NBAS: variants seen among roughly 807,000 people sequenced by gnomAD.
NBAS encodes NAG/BC035112 fusion.
In NBAS, 219 loss-of-function variants were observed where a neutral mutation model predicts 302.5. The ratio of observed to expected loss-of-function variants is 0.72; its 90% confidence interval spans 0.65 to 0.81. The LOEUF is 0.81. NBAS is among the 30% of genes least tolerant of loss of function. The pLI is 0.00. For missense variants in NBAS, 2,932 were observed against 2,841.6 expected (o/e 1.03, Z -0.72); for synonymous variants, 1,118 against 1,021.6 (o/e 1.09, Z -1.80).
the NBAS span, among the ~76,000 whole-genome samples, chr2:14,976,349 C>A: frequency 6.6e-6 from 1 of 152,158 alleles, no homozygotes; most frequent in Admixed American, 6.5e-5. Flanking sequence ...GAAAGAGCTC[C>A]ACAAATCTGC....
In NBAS at chr2:15,489,119, G is replaced by C. The variant is rs919328527; in HGVS notation, c.955-97C>G. On this transcript the variant is annotated intron_variant, in intron 11 of 51. Transcript: ENST00000281513. Reference sequence around the variant, plus strand: ...TCTTTAGAGGTGCCAAGTTATAAATGATCTTTAGTAATTAAGAGTTCTGCC... The same window carrying C: ...TCTTTAGAGGTGCCAAGTTATAAATCATCTTTAGTAATTAAGAGTTCTGCC... 1.0e-5 allele frequency: 14 copies of C among 1,355,468 alleles called. No homozygotes were observed. In the Admixed American group the frequency reaches 2.4e-4, roughly 24 times the overall value. The allele number at this position is 1,355,468 out of a possible 1,614,324, so 84.0% of individuals were successfully genotyped here. A position where few individuals can be genotyped will look rare whatever the true frequency, so the allele number is the denominator to read the frequency against.
intron 31 of NBAS, among the ~76,000 whole-genome samples, chr2:15,367,304 T>C (rs1674258924): frequency 6.6e-6 from 1 of 151,820 alleles, no homozygotes; most frequent in African/African-American, 2.4e-5. Flanking sequence ...AGACAAAGGG[T>C]ACTACGTATA....
chr2:14,983,771 T>C, the NBAS span, among the ~76,000 whole-genome samples: 519 of 152,320 alleles, frequency 3.4e-3, 1 homozygote, highest in Non-Finnish European at 5.4e-3. Context: ...AGGAAGACTT[T>C]GGTCTTGTGA....
At chr2:14,836,397 T>G in the NBAS span, among the ~76,000 whole-genome samples, 1 of 148,240 alleles carries the variant, frequency 6.7e-6, no homozygotes, top group Middle Eastern at 3.4e-3. Flanking sequence ...AAATTTGCCT[T>G]GATAAATTTG....
chr2:14,916,217 A>G, the NBAS span, among the ~76,000 whole-genome samples: 11 of 152,310 alleles, frequency 7.2e-5, no homozygotes, highest in African/African-American at 2.6e-4. Flanking sequence ...GATTTATAAT[A>G]CAAAGCAAAT....
chr2:15,361,061 T>TA (rs945318889), intron 32 of NBAS, among the ~76,000 whole-genome samples: 1 of 152,144 alleles, frequency 6.6e-6, no homozygotes, highest in African/African-American at 2.4e-5. Flanking sequence ...TCCATCACCA[T>TA]AAAAAAGTGA....
chr2:15,232,675 A>C (rs866632325), intron 46 of NBAS, among the ~76,000 whole-genome samples, 164 bp from the exon 47 acceptor site: 17 of 152,316 alleles, frequency 1.1e-4, no homozygotes, highest in Middle Eastern at 3.4e-3. Flanking sequence ...GAAGCCCTAC[A>C]CTAGGTGCTA....
chr2:15,247,379 C>T (rs1445981407), intron 44 of NBAS, among the ~76,000 whole-genome samples: 1 of 152,100 alleles, frequency 6.6e-6, no homozygotes, highest in Non-Finnish European at 1.5e-5. Context: ...CAAACTTATA[C>T]ATAACAATAT....
chr2:15,015,116 G>A, the NBAS span, among the ~76,000 whole-genome samples: 1 of 148,288 alleles, frequency 6.7e-6, no homozygotes. Flanking sequence ...TCAATAACAG[G>A]CAACAAGATT....
At chr2:15,133,311 A>T in the NBAS span, among the ~76,000 whole-genome samples, 1 of 149,740 alleles carries the variant, frequency 6.7e-6, no homozygotes, top group South Asian at 2.2e-4. Flanking sequence ...TCCATTTGGA[A>T]GGACATAGCG....
chr2:15,222,913 ACTGTG>A (rs1175798117), intron 47 of NBAS, among the ~76,000 whole-genome samples: 9 of 152,240 alleles, frequency 5.9e-5, no homozygotes, highest in Non-Finnish European at 1.2e-4. Context: ...ATTAGAACTT[ACTGTG>A]CAGCTAATAA....
At chr2:14,808,443 G>A in the NBAS span, among the ~76,000 whole-genome samples, 4 of 152,120 alleles carry the variant, frequency 2.6e-5, no homozygotes, top group Admixed American at 2.6e-4. Flanking sequence ...TTGAATCCTG[G>A]GGGCGGGTAT....
chr2:14,810,238 G>A, the NBAS span, among the ~76,000 whole-genome samples: 1 of 152,188 alleles, frequency 6.6e-6, no homozygotes, highest in East Asian at 1.9e-4. Flanking sequence ...GATCGTGGAG[G>A]GGCCAGGGGC....
chr2:15,527,042 A>G (rs1662942600), intron 9 of NBAS, among the ~76,000 whole-genome samples: 2 of 152,122 alleles, frequency 1.3e-5, no homozygotes, highest in African/African-American at 4.8e-5. Flanking sequence ...ATAAACAATC[A>G]AACAAAAACA....
chr2:15,427,001 A>G (rs926747730), intron 22 of NBAS, among the ~76,000 whole-genome samples: 1 of 152,172 alleles, frequency 6.6e-6, no homozygotes, highest in African/African-American at 2.4e-5. Context: ...GAAGGAAAGC[A>G]GAGTTTGGAC....
At chr2:14,948,731 G>GAA in the NBAS span, among the ~76,000 whole-genome samples, 457 of 151,212 alleles carry the variant, frequency 3.0e-3, 4 homozygotes, top group African/African-American at 9.9e-3. Context: ...CACAGAAATA[G>GAA]AAAAAAAAAT....
chr2:14,974,084 A>T, the NBAS span, among the ~76,000 whole-genome samples: 1 of 152,192 alleles, frequency 6.6e-6, no homozygotes, highest in Non-Finnish European at 1.5e-5. Flanking sequence ...CATGCATTTT[A>T]TCTATACACT....
chr2:15,467,764 A>G lies in NBAS; in HGVS notation c.1918T>C (p.Tyr640His), dbSNP rs1292033269. Residue 640 changes from tyrosine to histidine, a missense_variant, in exon 18 of 52, where the codon TAT (tyrosine) becomes CAT (histidine). Transcript: ENST00000281513. ...TCATCAGGTGGTGAAAGCTCTTCAT[A>G]GGAGATACTGTCAATGTCTATTTCA... is the stretch of plus-strand genomic sequence containing the variant. Reference protein sequence around the residue: ...PGEIDIDSISYEELSPPDEEP... With the variant: ...PGEIDIDSISHEELSPPDEEP... The G allele has an allele frequency of 2.5e-6, 4 of 1,596,752 alleles. No homozygotes were observed. The African/African-American group carries it at 5.4e-5, about 21-fold the overall frequency.
chr2:14,884,688 C>T, the NBAS span, among the ~76,000 whole-genome samples: 6 of 152,140 alleles, frequency 3.9e-5, no homozygotes, highest in Non-Finnish European at 8.8e-5. Flanking sequence ...CATCAGGGAG[C>T]TGACATTCCA....
Sources: allele counts gnomAD v4.1 joint callset (sites outside exome capture counted in the v4.1 genomes callset), GRCh38; gene constraint gnomAD v4.1.1; transcripts MANE v1.5; gene names NCBI Gene and HGNC (gene_info 2026-07-23, HGNC 2026-07-21).